The following TOR4A variants were observed in gnomAD, a reference collection of about 807,000 sequenced individuals.
TOR4A encodes torsin family 4 member A.
TOR4A carries 12 observed loss-of-function variants against 11.5 expected under a neutral mutation model. The observed-to-expected ratio is 1.04, with a 90% CI of 0.67 to 1.69. TOR4A has a LOEUF of 1.69. Ranked by LOEUF, TOR4A falls within the 40% of genes most tolerant of loss-of-function variation. The pLI is 0.00. For missense variants in TOR4A, 640 were observed against 643.2 expected (o/e 0.99, Z 0.05); for synonymous variants, 362 against 307.4 (o/e 1.18, Z -1.86).
Position 137,280,244 on chromosome 9 carries a change from G to C in TOR4A, c.*283G>C, listed in dbSNP as rs183993367. 5 of 541,638 alleles carry C rather than the reference G, an allele frequency of 9.2e-6. No individual in the cohort carries two copies. In the Admixed American group the frequency reaches 1.3e-4, roughly 14 times the overall value. 33.6% of individuals were successfully genotyped at this position (541,638 alleles called of 1,614,324 possible). On this transcript the variant is annotated 3_prime_UTR_variant, in exon 2 of 2. Transcript: ENST00000357503. ...GTGCGTTCTCCCTGTGGCCCCAAGAGGTGGGTTCCCATGGTACAAGGATGA... is the reference window on the plus strand; with the variant it reads ...GTGCGTTCTCCCTGTGGCCCCAAGACGTGGGTTCCCATGGTACAAGGATGA...
Position 137,278,845 on chromosome 9 carries a change from C to A in TOR4A, c.156C>A (p.Asp52Glu). ...TCCTGCAGCCGGGTGGGGGGCCCGA[C>A]GTCGGGACCGGGGCGCCCAGGCCGG... ...RRLLQPGGGP[D>E]VGTGAPRPGC... is the part of the protein sequence containing the mutation. Residue 52 changes from aspartate to glutamate, a missense_variant, in exon 2 of 2, where the codon GAC (aspartate) becomes GAA (glutamate). Physicochemically the swap from Asp to Glu is conservative, Grantham distance 45. Transcript: ENST00000357503. The A allele has an allele frequency of 1.1e-5, 17 of 1,504,750 alleles. No individual in the cohort carries two copies. Among genetic ancestry groups the A allele is most frequent in the Non-Finnish European group, 1.4e-5 (16 of 1,135,738 alleles). The allele number at this position is 1,504,750 out of a possible 1,614,324, so 93.2% of individuals were successfully genotyped here. A position where few individuals can be genotyped will look rare whatever the true frequency, so the allele number is the denominator to read the frequency against.
chr9:137,282,560 T>G lies in TOR4A; in HGVS notation c.*2599T>G, dbSNP rs1830733231. Reference sequence around the variant, plus strand: ...CCAAATTCTGCGCTTAAGGAGAATGTGCACCAAGTGCTGGGGTGGGGGCTG... The same window carrying G: ...CCAAATTCTGCGCTTAAGGAGAATGGGCACCAAGTGCTGGGGTGGGGGCTG... On this transcript the variant is annotated 3_prime_UTR_variant, in exon 2 of 2. Transcript: ENST00000357503. 1 of 167,088 alleles carries G rather than the reference T, an allele frequency of 6.0e-6. No individual in the cohort carries two copies. 10.4% of individuals were successfully genotyped at this position (167,088 alleles called of 1,614,324 possible).
chr9:137,280,192 CCTG>C lies in TOR4A; in HGVS notation c.*235_*237del, dbSNP rs1288335873. ...CCTCCCTCCCAAACTTGCCCATTGCCCTGCTGGGCGTCCCAGGCATGGTCTGGT... is the reference window on the plus strand; with the variant it reads ...CCTCCCTCCCAAACTTGCCCATTGCCCTGGGCGTCCCAGGCATGGTCTGGT... On this transcript the variant is annotated 3_prime_UTR_variant, in exon 2 of 2. Transcript: ENST00000357503. 3.3e-6 allele frequency: 2 copies of C among 601,360 alleles called. No homozygotes were observed. Among genetic ancestry groups the C allele is most frequent in the Non-Finnish European group, 6.0e-6 (2 of 333,306 alleles). The allele number at this position is 601,360 out of a possible 1,614,324, so 37.3% of individuals were successfully genotyped here.
At position 137,279,683 on chromosome 9, in the gene TOR4A, G is replaced by T. The variant is rs1408236830; in HGVS notation, c.994G>T (p.Ala332Ser). 1 of 1,566,526 alleles carries T rather than the reference G, an allele frequency of 6.4e-7. No homozygotes were observed. The highest frequency in any genetic ancestry group is 8.6e-7 in the Non-Finnish European group (1 of 1,161,580). ...CGACGGCTTCCGCAGTGCCGAGGCC[G>T]CAGCGGCGCAGGCGGAAGAAGACCT... ...RPDGFRSAEA[A>S]AAQAEEDLRA... is the part of the protein sequence containing the mutation. Residue 332 changes from alanine (A) to serine (S), a missense_variant, in exon 2 of 2, where the codon GCA (alanine) becomes TCA (serine). Transcript: ENST00000357503.
rs1830699479 is a variant in TOR4A at position 137,280,245 on chromosome 9, G to A, written c.*284G>A. Reference sequence around the variant, plus strand: ...TGCGTTCTCCCTGTGGCCCCAAGAGGTGGGTTCCCATGGTACAAGGATGAT... The same window carrying A: ...TGCGTTCTCCCTGTGGCCCCAAGAGATGGGTTCCCATGGTACAAGGATGAT... On this transcript the variant is annotated 3_prime_UTR_variant, in exon 2 of 2. Coordinates refer to ENST00000357503, the MANE Select transcript of TOR4A (RefSeq NM_017723.3). 5.5e-6 allele frequency: 3 copies of A among 541,550 alleles called. No individual in the cohort carries two copies. The highest frequency in any genetic ancestry group is 1.0e-5 in the Non-Finnish European group (3 of 294,578). The allele number at this position is 541,550 out of a possible 1,614,324, so 33.5% of individuals were successfully genotyped here.
rs1041820151 is a variant in TOR4A, at chr9:137,277,730, C to G, written c.-215C>G. 5.2e-5 allele frequency: 8 copies of G among 152,548 alleles called. No individual in the cohort carries two copies. The highest frequency in any genetic ancestry group is 1.9e-4 in the African/African-American group (8 of 41,588). 9.4% of individuals were successfully genotyped at this position (152,548 alleles called of 1,614,324 possible). On this transcript the variant is annotated 5_prime_UTR_variant, in exon 1 of 2. Coordinates refer to ENST00000357503, the MANE Select transcript of TOR4A (RefSeq NM_017723.3). ...AACCTCCCCAGAGCTTCCTCTACTC[C>G]GGCCGGCCGCTCCCTGGGGACCCAC... is the stretch of plus-strand genomic sequence containing the variant.
In TOR4A at chr9:137,279,755, C is replaced by T; in HGVS notation, c.1066C>T (p.Gln356Ter). 1 of 1,582,806 alleles carries T rather than the reference C, an allele frequency of 6.3e-7. No individual in the cohort carries two copies. Among genetic ancestry groups the T allele is most frequent in the South Asian group, 1.1e-5 (1 of 88,364 alleles). Residue 356 changes from glutamine to a stop codon, truncating the protein, a stop_gained, in exon 2 of 2, where the codon CAG becomes TAG. Coordinates refer to ENST00000357503, the MANE Select transcript of TOR4A (RefSeq NM_017723.3). LOFTEE classifies it high-confidence loss of function. ...AVLSREHPLW[Q>*]AAAIVPFLLL... Reference sequence around the variant, plus strand: ...GCTGTCCCGGGAGCATCCGCTGTGGCAGGCCGCGGCCATCGTGCCGTTTCT... The same window carrying T: ...GCTGTCCCGGGAGCATCCGCTGTGGTAGGCCGCGGCCATCGTGCCGTTTCT...
At position 137,281,795 on chromosome 9, in the gene TOR4A, A is replaced by G. The variant is rs1830722822; in HGVS notation, c.*1834A>G. On this transcript the variant is annotated 3_prime_UTR_variant, in exon 2 of 2. Transcript: ENST00000357503. ...GACCGGCTAGCCAGCGCTGGGAACC[A>G]GGGCTGAGTTCAGCCCAGCTCTGTC... The G allele has an allele frequency of 6.0e-6, 1 of 165,602 alleles. No individual in the cohort carries two copies. The highest frequency in any genetic ancestry group is 1.5e-5 in the Non-Finnish European group (1 of 68,114). 10.3% of individuals were successfully genotyped at this position (165,602 alleles called of 1,614,324 possible). A position where few individuals can be genotyped will look rare whatever the true frequency, so the allele number is the denominator to read the frequency against.
rs1830687632 is a variant in TOR4A, at chr9:137,279,399, A to C, written c.710A>C (p.Gln237Pro). ...CACTGCCCCGAGGCGCGCGCCGCAC[A>C]GGACTGCCGCGAGGAGCTGGCGCGG... is the stretch of plus-strand genomic sequence containing the variant. ...RHHCPEARAAQDCREELARRV... is the reference protein window; with the variant it reads ...RHHCPEARAAPDCREELARRV... Residue 237 changes from glutamine (Q) to proline (P), a missense_variant, in exon 2 of 2, where the codon CAG becomes CCG. Physicochemically the swap from Gln to Pro is moderately conservative, Grantham distance 76. Coordinates refer to ENST00000357503, the MANE Select transcript of TOR4A (RefSeq NM_017723.3). 3 of 1,530,026 alleles carry C rather than the reference A, an allele frequency of 2.0e-6. No individual in the cohort carries two copies. The highest frequency in any genetic ancestry group is 2.6e-6 in the Non-Finnish European group (3 of 1,140,344). The allele number at this position is 1,530,026 out of a possible 1,614,324, so 94.8% of individuals were successfully genotyped here. A position where few individuals can be genotyped will look rare whatever the true frequency, so the allele number is the denominator to read the frequency against.
Position 137,281,451 on chromosome 9 carries a change from C to T in TOR4A, c.*1490C>T. On this transcript the variant is annotated 3_prime_UTR_variant, in exon 2 of 2. Coordinates refer to ENST00000357503, the MANE Select transcript of TOR4A (RefSeq NM_017723.3). Reference sequence around the variant, plus strand: ...GTCCTGCGGCTTCCCGGAGGGTGTCCTGTTCTCTCCCCCGCCTCGCATCCA... The same window carrying T: ...GTCCTGCGGCTTCCCGGAGGGTGTCTTGTTCTCTCCCCCGCCTCGCATCCA... 1 of 160,898 alleles carries T rather than the reference C, an allele frequency of 6.2e-6. No homozygotes were observed. 10.0% of individuals were successfully genotyped at this position (160,898 alleles called of 1,614,324 possible).
chr9:137,279,451 C>T lies in TOR4A; in HGVS notation c.762C>T (p.Ala254=). The T allele has an allele frequency of 6.5e-7, 1 of 1,542,226 alleles. No homozygotes were observed. The highest frequency in any genetic ancestry group is 1.4e-5 in the African/African-American group (1 of 72,856). The change falls in exon 2 of 2, where the codon GCC becomes GCT. Residue 254 remains alanine (A), a synonymous_variant. Transcript: ENST00000357503. ...ARRVADVVAR[A]EAEEKTPLLV... is the part of the protein sequence containing the mutation. The stretch of plus-strand genomic sequence containing the variant: ...GCGTGGCCGACGTGGTGGCGCGGGC[C>T]GAAGCGGAGGAGAAGACCCCACTCT...
Position 137,279,188 on chromosome 9 carries a change from G to T in TOR4A, c.499G>T (p.Ala167Ser). ...LQRAVFGQPA[A>S]VSRIVALMRD... ...GCGCGCGGTGTTCGGCCAGCCCGCT[G>T]CCGTATCGCGCATCGTGGCGCTGAT... The change falls in exon 2 of 2, where the codon GCC becomes TCC. Residue 167 changes from alanine to serine, a missense_variant. By Grantham distance (99) the Ala-to-Ser change is moderately conservative. Coordinates refer to ENST00000357503, the MANE Select transcript of TOR4A (RefSeq NM_017723.3). 1 of 1,555,600 alleles carries T rather than the reference G, an allele frequency of 6.4e-7. No individual in the cohort carries two copies. Among genetic ancestry groups the T allele is most frequent in the Non-Finnish European group, 8.7e-7 (1 of 1,150,098 alleles).
chr9:137,279,156 C>G lies in TOR4A; in HGVS notation c.467C>G (p.Ala156Gly). The G allele has an allele frequency of 6.4e-7, 1 of 1,567,682 alleles. No individual in the cohort carries two copies. Among genetic ancestry groups the G allele is most frequent in the South Asian group, 1.2e-5 (1 of 85,736 alleles). ...TATGACCTCGACGGGCTGGAGAAAGCGCTGCAGCGCGCGGTGTTCGGCCAG... is the reference window on the plus strand; with the variant it reads ...TATGACCTCGACGGGCTGGAGAAAGGGCTGCAGCGCGCGGTGTTCGGCCAG... Reference protein sequence around the residue: ...QRYDLDGLEKALQRAVFGQPA... With the variant: ...QRYDLDGLEKGLQRAVFGQPA... Residue 156 changes from alanine to glycine, a missense_variant, in exon 2 of 2, where the codon GCG (alanine) becomes GGG (glycine). Coordinates refer to ENST00000357503, the MANE Select transcript of TOR4A (RefSeq NM_017723.3).
At position 137,281,102 on chromosome 9, in the gene TOR4A, C is replaced by G. The variant is rs983563182; in HGVS notation, c.*1141C>G. 6.2e-6 allele frequency: 1 copy of G among 160,810 alleles called. No individual in the cohort carries two copies. The highest frequency in any genetic ancestry group is 1.5e-5 in the Non-Finnish European group (1 of 68,042). 10.0% of individuals were successfully genotyped at this position (160,810 alleles called of 1,614,324 possible). On this transcript the variant is annotated 3_prime_UTR_variant, in exon 2 of 2. Coordinates refer to ENST00000357503, the MANE Select transcript of TOR4A (RefSeq NM_017723.3). ...GCGGCTGGGCCCTGAGTCCCCCAGG[C>G]CGCCCCGATCCTCTGTCCCCGCCGC...
chr9:137,282,158 C>G lies in TOR4A; in HGVS notation c.*2197C>G, dbSNP rs1325669234. ...ACACCCGCTGAGCATCGGCTTGTATCAAAAGGTCCAGACCTAAGGGGAAAT... is the reference window on the plus strand; with the variant it reads ...ACACCCGCTGAGCATCGGCTTGTATGAAAAGGTCCAGACCTAAGGGGAAAT... On this transcript the variant is annotated 3_prime_UTR_variant, in exon 2 of 2. Coordinates refer to ENST00000357503, the MANE Select transcript of TOR4A (RefSeq NM_017723.3). 2 of 167,064 alleles carry G rather than the reference C, an allele frequency of 1.2e-5. No individual in the cohort carries two copies. The highest frequency in any genetic ancestry group is 2.9e-5 in the Non-Finnish European group (2 of 68,152). 10.3% of individuals were successfully genotyped at this position (167,064 alleles called of 1,614,324 possible).
intron 1 of TOR4A, among the ~76,000 whole-genome samples, chr9:137,278,408 C>G (rs1024833782): frequency 9.9e-5 from 15 of 151,712 alleles, no homozygotes; most frequent in Admixed American, 6.6e-4. Context: ...GGCCCGCGGC[C>G]GTTTATGGGA....
Position 137,279,877 on chromosome 9 carries a change from G to C in TOR4A, c.1188G>C (p.Ala396=), listed in dbSNP as rs777640242. 5.7e-6 allele frequency: 9 copies of C among 1,582,680 alleles called. No homozygotes were observed. Among genetic ancestry groups the C allele is most frequent in the Non-Finnish European group, 7.7e-6 (9 of 1,167,760 alleles). Residue 396 remains alanine (A), a synonymous_variant, in exon 2 of 2, where the codon GCG becomes GCC. Coordinates refer to ENST00000357503, the MANE Select transcript of TOR4A (RefSeq NM_017723.3). ...AGGCCCGCGCGGAGAACCTGGCCGC[G>C]CAGCTCAGCTTCTACCGCGTGGCTG... ...PDQARAENLA[A]QLSFYRVAGR... is the part of the protein sequence containing the mutation.
Position 137,279,690 on chromosome 9 carries a change from C to A in TOR4A, c.1001C>A (p.Ala334Glu). 1 of 1,567,068 alleles carries A rather than the reference C, an allele frequency of 6.4e-7. No individual in the cohort carries two copies. ...DGFRSAEAAA[A>E]QAEEDLRASL... is the part of the protein sequence containing the mutation. ...TTCCGCAGTGCCGAGGCCGCAGCGG[C>A]GCAGGCGGAAGAAGACCTGCGCGCC... Residue 334 changes from alanine to glutamate, a missense_variant, in exon 2 of 2, where the codon GCG (alanine) becomes GAG (glutamate). By Grantham distance (107) the Ala-to-Glu change is moderately radical (BLOSUM62 -1). Coordinates refer to ENST00000357503, the MANE Select transcript of TOR4A (RefSeq NM_017723.3).
Position 137,278,723 on chromosome 9 carries a change from G to A in TOR4A, c.34G>A (p.Ala12Thr). 1 of 1,376,380 alleles carries A rather than the reference G, an allele frequency of 7.3e-7. No homozygotes were observed. The highest frequency in any genetic ancestry group is 9.3e-7 in the Non-Finnish European group (1 of 1,071,896). The allele number at this position is 1,376,380 out of a possible 1,614,324, so 85.3% of individuals were successfully genotyped here. ...DRGQPSLEPA[A>T]AAPRASGRCV... is the part of the protein sequence containing the mutation. ...CGGCCAGCCCAGCCTGGAGCCTGCT[G>A]CCGCGGCCCCCCGAGCCTCGGGCCG... The change falls in exon 2 of 2, where the codon GCC becomes ACC. Residue 12 changes from alanine to threonine, a missense_variant. Physicochemically the swap from Ala to Thr is moderately conservative, Grantham distance 58. Transcript: ENST00000357503.
Sources: gnomAD v4.1 joint callset for allele counts (sites outside exome capture counted in the v4.1 genomes callset) on GRCh38, gnomAD v4.1.1 for gene constraint, MANE v1.5 for transcripts, NCBI Gene and HGNC (gene_info 2026-07-23, HGNC 2026-07-21) for gene names.